The following GNG12 variants were observed in gnomAD, a reference collection of about 807,000 sequenced individuals.
GNG12 encodes G protein subunit gamma 12.
For synonymous variants in GNG12, 28 were observed against 29.7 expected, an observed-to-expected ratio of 0.94 and a Z score of 0.19; for missense variants, 69 against 83.8, an observed-to-expected ratio of 0.82 and a Z score of 0.69.
At chr1:67,832,853 G>A (rs368315169) in intron 1 of GNG12, among the ~76,000 whole-genome samples, 68 of 152,182 alleles carry the variant, frequency 4.5e-4, no homozygotes, top group African/African-American at 1.5e-3. Flanking sequence ...TGGCGTCCCT[G>A]TCGCCCCCAC....
At chr1:67,775,360 A>G (rs145569335) in intron 2 of GNG12, among the ~76,000 whole-genome samples, 1 of 152,368 alleles carries the variant, frequency 6.6e-6, no homozygotes, top group East Asian at 1.9e-4. Context: ...CTAGAGTGCA[A>G]TCACATCAGA....
intron 2 of GNG12, among the ~76,000 whole-genome samples, chr1:67,722,297 A>G (rs2100689413): frequency 6.6e-6 from 1 of 152,148 alleles, no homozygotes; most frequent in East Asian, 1.9e-4. Flanking sequence ...GATTCAGGAG[A>G]GAAAAAGGCT....
At chr1:67,781,832 A>G (rs1461509591) in intron 1 of GNG12, among the ~76,000 whole-genome samples, 1 of 152,152 alleles carries the variant, frequency 6.6e-6, no homozygotes, top group African/African-American at 2.4e-5. Flanking sequence ...GAGAAAACAG[A>G]TTGACGGAAG....
At chr1:67,728,737 T>C (rs749256281) in intron 2 of GNG12, among the ~76,000 whole-genome samples, 18 of 152,162 alleles carry the variant, frequency 1.2e-4, no homozygotes, top group Non-Finnish European at 2.1e-4. Context: ...CAGCTTTCTT[T>C]ACCAAGGGAG....
chr1:67,772,843 C>T (rs76361494), intron 2 of GNG12, among the ~76,000 whole-genome samples: 3,220 of 152,278 alleles, frequency 0.021, 124 homozygotes, highest in African/African-American at 0.074. Flanking sequence ...CTCACTACTG[C>T]TAGAAGTATG....
chr1:67,833,122 C>T (rs976821109), intron 1 of GNG12, among the ~76,000 whole-genome samples: 4 of 148,236 alleles, frequency 2.7e-5, no homozygotes, highest in African/African-American at 9.9e-5. Flanking sequence ...GCCCCTTCCT[C>T]CCCCTCCCCC....
chr1:67,794,003 TAG>T (rs935405607), intron 1 of GNG12, among the ~76,000 whole-genome samples: 4 of 152,156 alleles, frequency 2.6e-5, no homozygotes, highest in African/African-American at 9.7e-5. Context: ...TAAACTCTCA[TAG>T]AGAGACATAA....
At chr1:67,770,780 G>A (rs1465121463) in intron 2 of GNG12, among the ~76,000 whole-genome samples, 1 of 152,048 alleles carries the variant, frequency 6.6e-6, no homozygotes, top group African/African-American at 2.4e-5. Flanking sequence ...TCACAGTCAG[G>A]TAACGACTTG....
chr1:67,758,602 TC>T (rs1043362379), intron 2 of GNG12, among the ~76,000 whole-genome samples: 2 of 152,288 alleles, frequency 1.3e-5, no homozygotes, highest in Non-Finnish European at 2.9e-5. Context: ...GCTGGGCTCA[TC>T]CCTGGTAACC....
chr1:67,804,207 T>C (rs934528800), intron 1 of GNG12, among the ~76,000 whole-genome samples: 1 of 152,222 alleles, frequency 6.6e-6, no homozygotes, highest in East Asian at 1.9e-4. Flanking sequence ...TACTATTACT[T>C]TCTCCAGTAA....
At chr1:67,723,414 G>A (rs1376325129) in intron 2 of GNG12, among the ~76,000 whole-genome samples, 3 of 152,184 alleles carry the variant, frequency 2.0e-5, no homozygotes, top group African/African-American at 4.8e-5. Context: ...GTATAAATAC[G>A]TTTAGTTAAA....
intron 1 of GNG12, among the ~76,000 whole-genome samples, chr1:67,789,481 CTA>C (rs1268071549): frequency 3.9e-5 from 6 of 152,248 alleles, no homozygotes; most frequent in Admixed American, 2.0e-4. Flanking sequence ...GATGATATAA[CTA>C]TGATTCCTCT....
intron 2 of GNG12, among the ~76,000 whole-genome samples, chr1:67,718,195 C>A (rs1008745838): frequency 3.3e-5 from 5 of 152,144 alleles, no homozygotes; most frequent in Non-Finnish European, 7.3e-5. Flanking sequence ...AAACACAACA[C>A]AGGTAAAACC....
chr1:67,707,535 C>A lies in GNG12; in HGVS notation c.93+59G>T, dbSNP rs568794650. 1.5e-3 allele frequency: 1,408 copies of A among 911,190 alleles called. 29 individuals carry two copies. In the South Asian group the frequency reaches 0.019, roughly 12 times the overall value. 56.4% of individuals were successfully genotyped at this position (911,190 alleles called of 1,614,324 possible). ...TTATCTTCTCTGACAAGTGGTCCAG[C>A]CACAAGGAACAGGGGGAACTGAGCA... On this transcript the variant is annotated intron_variant, in intron 3 of 3. Transcript: ENST00000370982.
At chr1:67,710,122 A>ATATAGT (rs1185333579) in intron 2 of GNG12, among the ~76,000 whole-genome samples, 1 of 19,836 alleles carries the variant, frequency 5.0e-5, no homozygotes, top group African/African-American at 1.6e-4. Context: ...AGTTATATAT[A>ATATAGT]TAGTTATATA....
intron 1 of GNG12, among the ~76,000 whole-genome samples, chr1:67,787,579 G>A (rs1168391270): frequency 6.6e-6 from 1 of 152,110 alleles, no homozygotes; most frequent in Non-Finnish European, 1.5e-5. Context: ...CTGACAGGGG[G>A]GACAGCCAAG....
intron 2 of GNG12, among the ~76,000 whole-genome samples, chr1:67,708,263 C>T (rs1468075392): frequency 1.3e-5 from 2 of 152,092 alleles, no homozygotes; most frequent in East Asian, 1.9e-4. Flanking sequence ...GATGTGGAAT[C>T]GTTTTGAAAG....
At chr1:67,735,144 C>T (rs987451971) in intron 2 of GNG12, among the ~76,000 whole-genome samples, 2 of 152,170 alleles carry the variant, frequency 1.3e-5, no homozygotes, top group African/African-American at 4.8e-5. Context: ...GCATGAGCCA[C>T]CGCGCCTGGC....
At chr1:67,760,912 C>T (rs1196918781) in intron 2 of GNG12, among the ~76,000 whole-genome samples, 1 of 152,208 alleles carries the variant, frequency 6.6e-6, no homozygotes, top group Non-Finnish European at 1.5e-5. Flanking sequence ...TACACCAACT[C>T]GCTTCATCCT....
Sources: gnomAD v4.1 joint callset for allele counts (sites outside exome capture counted in the v4.1 genomes callset) on GRCh38, gnomAD v4.1.1 for gene constraint, MANE v1.5 for transcripts, NCBI Gene and HGNC (gene_info 2026-07-23, HGNC 2026-07-21) for gene names.